PKN3: variants seen among roughly 807,000 people sequenced by gnomAD.
PKN3 encodes the protein serine/threonine-protein kinase N3.
Under a neutral mutation model 113.1 loss-of-function variants are expected in PKN3, and 91 were observed. The observed-to-expected ratio is 0.80, with a 90% CI of 0.68 to 0.96. The LOEUF (loss-of-function observed/expected upper bound fraction) is 0.96. Ranked by LOEUF, PKN3 falls within the 40% of genes least tolerant of loss-of-function variation. The probability of loss-of-function intolerance (pLI) is 0.00; values close to 1 mark genes in which losing one functional copy is unlikely to be tolerated. For synonymous variants in PKN3, 467 were observed against 499.0 expected, an observed-to-expected ratio of 0.94 and a Z score of 0.85; for missense variants, 1,052 against 1,202.2, an observed-to-expected ratio of 0.88 and a Z score of 1.85.
chr9:128,720,511 C>G lies in PKN3; in HGVS notation c.2575C>G (p.Leu859Val), dbSNP rs1373998020. ...CGAGTTCACAGGGCTGCCGCCTGCC[C>G]TGACCCCACCTGCACCCCACAGCCT... is the stretch of plus-strand genomic sequence containing the variant. ...EGEFTGLPPA[L>V]TPPAPHSLLT... The change falls in exon 22 of 22, where the codon CTG becomes GTG. Residue 859 changes from leucine (L) to valine (V), a missense_variant. Leu to Val is a conservative substitution (Grantham distance 32). Around this residue, in one of 2 missense-constraint regions of PKN3, gnomAD observed 333 missense variants for 442.8 expected, o/e 0.75. Coordinates refer to ENST00000291906, the MANE Select transcript of PKN3 (RefSeq NM_013355.5). This position sits in a 1 kb window ranked among gnomAD's most constrained non-coding sequence, Gnocchi z 5.5. 1 of 1,613,288 alleles carries G rather than the reference C, an allele frequency of 6.2e-7. No individual in the cohort carries two copies. The highest frequency in any genetic ancestry group is 1.7e-5 in the Admixed American group (1 of 60,002).
chr9:128,718,669 C>T, intron 18 of PKN3, 44 bp downstream of exon 18: 2 of 1,560,762 alleles, frequency 1.3e-6, no homozygotes, highest in African/African-American at 1.4e-5. Context: ...CCTTGTTTAC[C>T]CACCCTGGCC....
In PKN3 at chr9:128,705,294, G is replaced by A; in HGVS notation, c.25-9G>A. 1 of 1,550,860 alleles carries A rather than the reference G, an allele frequency of 6.4e-7. No individual in the cohort carries two copies. Among genetic ancestry groups the A allele is most frequent in the Non-Finnish European group, 8.7e-7 (1 of 1,147,652 alleles). ...GTTCTCCACCCTCTGCTTTCCACCG[G>A]CTCTGCAGCCTGGGCCGAGCCAGTG... On this transcript the variant is annotated splice_polypyrimidine_tract_variant and intron_variant, in intron 1 of 21. Transcript: ENST00000291906.
intron 8 of PKN3, 31 bp downstream of exon 8, chr9:128,713,418 A>C: frequency 1.2e-6 from 2 of 1,612,638 alleles, no homozygotes; most frequent in Non-Finnish European, 1.7e-6. Context: ...GTCAGGGGTG[A>C]CCTTGGGCTG....
At chr9:128,711,263 C>G (rs1007695815) in intron 6 of PKN3, among the ~76,000 whole-genome samples, 1 of 151,854 alleles carries the variant, frequency 6.6e-6, no homozygotes, top group Non-Finnish European at 1.5e-5. Context: ...GCCTTGGCCT[C>G]CCAAAGTGCT....
rs943703454 is a variant in PKN3 at position 128,705,252 on chromosome 9, C to G, written c.25-51C>G. The G allele has an allele frequency of 3.2e-6, 5 of 1,544,936 alleles. No homozygotes were observed. The African/African-American group carries it at 5.5e-5, about 17-fold the overall frequency. On this transcript the variant is annotated intron_variant, in intron 1 of 21. Coordinates refer to ENST00000291906, the MANE Select transcript of PKN3 (RefSeq NM_013355.5). Reference sequence around the variant, plus strand: ...GCAGTGAGCAAAGGCTGCTGGTGGCCGCTGCACCCCATGGCTGTTCTCCAC... The same window carrying G: ...GCAGTGAGCAAAGGCTGCTGGTGGCGGCTGCACCCCATGGCTGTTCTCCAC...
In PKN3 at chr9:128,716,877, C is replaced by A; in HGVS notation, c.1939C>A (p.Leu647Ile). The A allele has an allele frequency of 6.2e-7, 1 of 1,613,978 alleles. No homozygotes were observed. Among genetic ancestry groups the A allele is most frequent in the Non-Finnish European group, 8.5e-7 (1 of 1,180,006 alleles). The change falls in exon 16 of 22, where the codon CTC (leucine) becomes ATC (isoleucine). Residue 647 changes from leucine to isoleucine, a missense_variant. Physicochemically the swap from Leu to Ile is conservative, Grantham distance 5 (BLOSUM62 2). Around this residue, in one of 2 missense-constraint regions of PKN3, gnomAD observed 333 missense variants for 442.8 expected, o/e 0.75. Transcript: ENST00000291906. ...GACTGAGTTTGTGCCTGGTGGTGAC[C>A]TCATGATGCAGATCCACGAGGATGT... is the stretch of plus-strand genomic sequence containing the variant. The part of the protein sequence containing the change: ...FVTEFVPGGD[L>I]MMQIHEDVFP...
intron 11 of PKN3, 98 bp from the exon 12 acceptor site, chr9:128,714,464 C>T (rs1420048239): frequency 6.9e-6 from 8 of 1,162,358 alleles, no homozygotes; most frequent in African/African-American, 4.5e-5. Context: ...TTGCTCAGCC[C>T]GCTAACCCTC....
chr9:128,707,812 C>G (rs1197762796), intron 6 of PKN3, among the ~76,000 whole-genome samples: 1 of 152,236 alleles, frequency 6.6e-6, no homozygotes, highest in Non-Finnish European at 1.5e-5. Context: ...GTGGCTCACG[C>G]TGGTAATTCC....
chr9:128,719,675 T>C lies in PKN3; in HGVS notation c.2126-11T>C, dbSNP rs774513555. 5 of 1,532,204 alleles carry C rather than the reference T, an allele frequency of 3.3e-6. No homozygotes were observed. The highest frequency in any genetic ancestry group is 1.8e-4 in the Middle Eastern group (1 of 5,652). 94.9% of individuals were successfully genotyped at this position (1,532,204 alleles called of 1,614,324 possible). A position where few individuals can be genotyped will look rare whatever the true frequency, so the allele number is the denominator to read the frequency against. ...CACCAAGCAGCTATTGGTGTGCCTG[T>C]TGGTTTGCAGGGATCGGCTTCGGGG... On this transcript the variant is annotated splice_polypyrimidine_tract_variant and intron_variant, in intron 18 of 21. Transcript: ENST00000291906.
In PKN3 at chr9:128,707,382, C is replaced by T. The variant is rs767051388; in HGVS notation, c.812C>T (p.Pro271Leu). The T allele has an allele frequency of 8.1e-6, 13 of 1,610,600 alleles. No individual in the cohort carries two copies. The highest frequency in any genetic ancestry group is 9.3e-6 in the Non-Finnish European group (11 of 1,178,268). ...VPGYPQPSGT[P>L]VKPTALTGTL... ...GGATACCCCCAGCCTTCAGGGACACCTGTGAAGCCCACCGCCCTAACAGGT... is the reference window on the plus strand; with the variant it reads ...GGATACCCCCAGCCTTCAGGGACACTTGTGAAGCCCACCGCCCTAACAGGT... The change falls in exon 6 of 22, where the codon CCT becomes CTT. Residue 271 changes from proline to leucine, a missense_variant. Pro to Leu is a moderately conservative substitution (Grantham distance 98). Coordinates refer to ENST00000291906, the MANE Select transcript of PKN3 (RefSeq NM_013355.5).
chr9:128,707,811 G>A (rs956881478), intron 6 of PKN3, among the ~76,000 whole-genome samples: 8 of 152,222 alleles, frequency 5.3e-5, no homozygotes, highest in Admixed American at 1.3e-4. Context: ...GGTGGCTCAC[G>A]CTGGTAATTC....
At chr9:128,707,539 C>A in intron 6 of PKN3, 134 bp downstream of exon 6, 1 of 699,154 alleles carries the variant, frequency 1.4e-6, no homozygotes, top group South Asian at 1.9e-5. Context: ...CCTTGGCAAA[C>A]TGACATTCCT....
intron 16 of PKN3, among the ~76,000 whole-genome samples, chr9:128,717,861 TAAA>T (rs67487928): frequency 1.3e-4 from 13 of 97,820 alleles, no homozygotes; most frequent in Non-Finnish European, 1.6e-4. Flanking sequence ...CTATAAAAAC[TAAA>T]AAAAAAAAAA....
At chr9:128,719,617 G>A (rs1482287232) in intron 18 of PKN3, 69 bp from the exon 19 acceptor site, 1 of 1,465,664 alleles carries the variant, frequency 6.8e-7, no homozygotes, top group Non-Finnish European at 9.2e-7. Context: ...GGCATCATAA[G>A]GCTTGGCTAT....
rs752180593 is a variant in PKN3 at position 128,720,547 on chromosome 9, C to T, written c.2611C>T (p.Arg871Cys). ...PPAPHSLLTA[R>C]QQAAFRDFDF... ...TGCACCCCACAGCCTCCTCACTGCC[C>T]GCCAACAGGCCGCCTTCCGGGACTT... The change falls in exon 22 of 22, where the codon CGC (arginine) becomes TGC (cysteine). Residue 871 changes from arginine to cysteine, a missense_variant. Coordinates refer to ENST00000291906, the MANE Select transcript of PKN3 (RefSeq NM_013355.5). This position sits in a 1 kb window ranked among gnomAD's most constrained non-coding sequence, Gnocchi z 5.5. The T allele has an allele frequency of 1.9e-5, 30 of 1,613,584 alleles. No homozygotes were observed. The highest frequency in any genetic ancestry group is 1.6e-4 in the Middle Eastern group (1 of 6,062).
chr9:128,710,966 C>G (rs1021611954), intron 6 of PKN3, among the ~76,000 whole-genome samples: 1 of 151,772 alleles, frequency 6.6e-6, no homozygotes, highest in African/African-American at 2.4e-5. Flanking sequence ...ACCCCAGATA[C>G]TTGAGTTGTC....
intron 6 of PKN3, among the ~76,000 whole-genome samples, chr9:128,707,673 A>T (rs1256089196): frequency 6.6e-6 from 1 of 152,256 alleles, no homozygotes; most frequent in African/African-American, 2.4e-5. Flanking sequence ...CGGACAGCGT[A>T]GCTTGTATTT....
chr9:128,714,407 C>A, intron 11 of PKN3, 42 bp downstream of exon 11: 3 of 1,532,268 alleles, frequency 2.0e-6, no homozygotes, highest in Non-Finnish European at 2.7e-6. Context: ...TCCTCTGTGG[C>A]GGCTTCCTGA....
At chr9:128,711,298 G>A (rs1479387632) in intron 6 of PKN3, among the ~76,000 whole-genome samples, 2 of 148,306 alleles carry the variant, frequency 1.3e-5, no homozygotes, top group African/African-American at 2.5e-5. Context: ...GAGCCACCTC[G>A]CCCCACCTCT....
Sources: allele counts gnomAD v4.1 joint callset (sites outside exome capture counted in the v4.1 genomes callset), GRCh38; gene constraint gnomAD v4.1.1; regional missense constraint gnomAD v4.1.1; non-coding constraint Gnocchi (gnomAD v3.1); transcripts MANE v1.5; gene names NCBI Gene and HGNC (gene_info 2026-07-23, HGNC 2026-07-21).